Variants in LRPAP1 observed in about 807,000 individuals in gnomAD.
The protein encoded by LRPAP1 is alpha-2-macroglobulin receptor-associated protein.
LRPAP1 carries 41 observed loss-of-function variants against 39.9 expected under a neutral mutation model. The observed-to-expected ratio is 1.03, with a 90% CI of 0.80 to 1.33. The LOEUF (loss-of-function observed/expected upper bound fraction) is 1.33, where lower values mean the gene tolerates loss of function less well. Among genes scored for constraint, LRPAP1 ranks in the 40% most tolerant of loss-of-function variants. The probability of loss-of-function intolerance (pLI) is 0.00; values close to 1 mark genes in which losing one functional copy is unlikely to be tolerated. For synonymous variants in LRPAP1, 263 were observed against 212.7 expected, an observed-to-expected ratio of 1.24 and a Z score of -2.06; for missense variants, 565 against 482.3, an observed-to-expected ratio of 1.17 and a Z score of -1.61.
intron 1 of LRPAP1, among the ~76,000 whole-genome samples, chr4:3,527,700 G>A (rs1311048910): frequency 6.6e-6 from 1 of 152,216 alleles, no homozygotes; most frequent in Admixed American, 6.5e-5. Context: ...GCAGGGGAGA[G>A]GATGCAGGTG....
At position 3,518,970 on chromosome 4, in the gene LRPAP1, A is replaced by AGG; in HGVS notation, c.492_493insCC (p.Ser165ProfsTer30). 6.2e-7 allele frequency: 1 copy of AGG among 1,614,032 alleles called. No individual in the cohort carries two copies. Among genetic ancestry groups the AGG allele is most frequent in the Non-Finnish European group, 8.5e-7 (1 of 1,179,964 alleles). ...CAGAGCTTGTCCAGTTCTTCGCCGG[A>AGG]GAATTTCCCAGAGGTCTTCGCCTAA... is the stretch of plus-strand genomic sequence containing the variant. On this transcript the variant is annotated frameshift_variant, in exon 4 of 8. Coordinates refer to ENST00000650182, the MANE Select transcript of LRPAP1 (RefSeq NM_002337.4). LOFTEE classifies it high-confidence loss of function.
chr4:3,515,448 C>G (rs76911413), intron 6 of LRPAP1, among the ~76,000 whole-genome samples: 2,547 of 152,328 alleles, frequency 0.017, 59 homozygotes, highest in African/African-American at 0.057. Context: ...CTCCTGACCC[C>G]TTTCTGGGGG....
At chr4:3,518,222 G>A (rs1359729151) in intron 4 of LRPAP1, 30 bp from the exon 5 acceptor site, 5 of 1,594,818 alleles carry the variant, frequency 3.1e-6, no homozygotes, top group East Asian at 4.5e-5. Context: ...ACGCCATGAG[G>A]CTGGGAGTCC....
chr4:3,524,497 C>T (rs1436068857), intron 2 of LRPAP1, among the ~76,000 whole-genome samples: 2 of 152,378 alleles, frequency 1.3e-5, no homozygotes, highest in South Asian at 2.1e-4. Context: ...CTCCCTCTGG[C>T]GTGCCAATGG....
chr4:3,526,607 G>A (rs963315782), intron 1 of LRPAP1, among the ~76,000 whole-genome samples: 5 of 152,202 alleles, frequency 3.3e-5, no homozygotes, highest in Non-Finnish European at 5.9e-5. Flanking sequence ...CGAGACCTCA[G>A]GAGGCCCAGC....
At position 3,511,799 on chromosome 4, in the gene LRPAP1, C is replaced by A. The variant is rs1298669319; in HGVS notation, c.*1175G>T. 2 of 150,776 alleles carry A rather than the reference C, an allele frequency of 1.3e-5. No homozygotes were observed. Among genetic ancestry groups the A allele is most frequent in the African/African-American group, 4.9e-5 (2 of 40,854 alleles). 9.3% of individuals were successfully genotyped at this position (150,776 alleles called of 1,614,324 possible). A position where few individuals can be genotyped will look rare whatever the true frequency, so the allele number is the denominator to read the frequency against. ...CACGGGAACCACGCCCAGAGCCGGACCCGAGCCTCTTCCAGGCTCAGACAC... is the reference window on the plus strand; with the variant it reads ...CACGGGAACCACGCCCAGAGCCGGAACCGAGCCTCTTCCAGGCTCAGACAC... On this transcript the variant is annotated 3_prime_UTR_variant, in exon 8 of 8. Coordinates refer to ENST00000650182, the MANE Select transcript of LRPAP1 (RefSeq NM_002337.4).
intron 5 of LRPAP1, among the ~76,000 whole-genome samples, chr4:3,517,075 C>T (rs1051109343): frequency 4.6e-5 from 7 of 152,130 alleles, no homozygotes; most frequent in Non-Finnish European, 8.8e-5. Context: ...CGCAGGCCTA[C>T]AAGGTGGTCC....
chr4:3,517,804 G>A lies in LRPAP1; in HGVS notation c.751+230C>T, dbSNP rs558275010. 163 of 478,052 alleles carry A rather than the reference G, an allele frequency of 3.4e-4. 2 individuals are homozygous for A. The highest frequency in any genetic ancestry group is 2.8e-3 in the African/African-American group (142 of 49,844). 29.6% of individuals were successfully genotyped at this position (478,052 alleles called of 1,614,324 possible). ...TGCTCCCAGGCCCGCTGCCGCCACT[G>A]CCCTCTGCTAGTCTCCAGGTACAAG... On this transcript the variant is annotated intron_variant, in intron 5 of 7. Coordinates refer to ENST00000650182, the MANE Select transcript of LRPAP1 (RefSeq NM_002337.4).
In LRPAP1 at chr4:3,517,993, G is replaced by T. The variant is rs369242780; in HGVS notation, c.751+41C>A. The T allele has an allele frequency of 3.7e-5, 58 of 1,555,632 alleles. 1 individual carries two copies. The African/African-American group carries it at 7.8e-4, about 21-fold the overall frequency. ...TGTCCCCAAAACACAACCAGAGACG[G>T]CCCCACCCTCGGGAACCAACAGTCC... On this transcript the variant is annotated intron_variant, in intron 5 of 7. Coordinates refer to ENST00000650182, the MANE Select transcript of LRPAP1 (RefSeq NM_002337.4).
At chr4:3,523,188 G>A (rs1352544361) in intron 2 of LRPAP1, among the ~76,000 whole-genome samples, 2 of 152,272 alleles carry the variant, frequency 1.3e-5, no homozygotes, top group East Asian at 3.9e-4. Context: ...GCCCACTTCT[G>A]TGCCCCCTGC....
chr4:3,523,018 G>T (rs1168393122), intron 2 of LRPAP1, among the ~76,000 whole-genome samples: 2 of 152,176 alleles, frequency 1.3e-5, no homozygotes, highest in Non-Finnish European at 2.9e-5. Context: ...TTTCCTGAGT[G>T]TGGGCAGGGT....
At chr4:3,528,190 T>C (rs1042604238) in intron 1 of LRPAP1, among the ~76,000 whole-genome samples, 2 of 152,200 alleles carry the variant, frequency 1.3e-5, no homozygotes, top group African/African-American at 4.8e-5. Context: ...AGAAGTACCC[T>C]GTGGAAACCA....
Position 3,512,932 on chromosome 4 carries a change from C to A in LRPAP1, c.*42G>T. On this transcript the variant is annotated 3_prime_UTR_variant, in exon 8 of 8. Coordinates refer to ENST00000650182, the MANE Select transcript of LRPAP1 (RefSeq NM_002337.4). ...GCCACGGCCAAGAGCCCAGGTCCTT[C>A]ACGCTGGCCTCTTCCCTGCCGGGCT... is the stretch of plus-strand genomic sequence containing the variant. 1 of 1,573,074 alleles carries A rather than the reference C, an allele frequency of 6.4e-7. No homozygotes were observed. The highest frequency in any genetic ancestry group is 2.3e-5 in the East Asian group (1 of 42,872).
intron 5 of LRPAP1, chr4:3,517,592 G>A (rs73197133): frequency 0.019 from 2,960 of 156,634 alleles, 45 homozygotes; most frequent in Middle Eastern, 0.078. Context: ...ATGAGCTGCT[G>A]AGACGGAGCC....
chr4:3,520,490 C>G (rs534879419), intron 2 of LRPAP1, among the ~76,000 whole-genome samples: 59 of 152,310 alleles, frequency 3.9e-4, no homozygotes, highest in African/African-American at 1.4e-3. Context: ...AAGCTGTGTC[C>G]CCCTGAGACG....
rs1729477478 is a variant in LRPAP1, at chr4:3,510,617, C to T, written c.*2357G>A. The T allele has an allele frequency of 6.6e-6, 1 of 152,302 alleles. No individual in the cohort carries two copies. The highest frequency in any genetic ancestry group is 2.4e-5 in the African/African-American group (1 of 41,480). The allele number at this position is 152,302 out of a possible 1,614,324, so 9.4% of individuals were successfully genotyped here. On this transcript the variant is annotated 3_prime_UTR_variant, in exon 8 of 8. Coordinates refer to ENST00000650182, the MANE Select transcript of LRPAP1 (RefSeq NM_002337.4). ...GCAACCCACACTGGAAACGTACACT[C>T]CTGAGTAGGGACTGGATACACACGC...
chr4:3,525,520 C>A (rs1730055066), intron 1 of LRPAP1, among the ~76,000 whole-genome samples: 1 of 152,154 alleles, frequency 6.6e-6, no homozygotes, highest in African/African-American at 2.4e-5. Context: ...CCTCAGTCAC[C>A]ACCTCTCAAG....
chr4:3,526,301 C>T (rs1263132090), intron 1 of LRPAP1, among the ~76,000 whole-genome samples: 1 of 152,210 alleles, frequency 6.6e-6, no homozygotes, highest in Non-Finnish European at 1.5e-5. Flanking sequence ...TAGGAGGGAA[C>T]CCCAGCTCCT....
chr4:3,512,615 T>C lies in LRPAP1; in HGVS notation c.*359A>G, dbSNP rs564273625. On this transcript the variant is annotated 3_prime_UTR_variant, in exon 8 of 8. Coordinates refer to ENST00000650182, the MANE Select transcript of LRPAP1 (RefSeq NM_002337.4). ...TTTTAAGGACTCTGTGCATGGTATT[T>C]CCGGTGGCAGATGTGTAAGATTTTT... is the stretch of plus-strand genomic sequence containing the variant. 2.2e-4 allele frequency: 58 copies of C among 263,138 alleles called. No homozygotes were observed. Among genetic ancestry groups the C allele is most frequent in the Non-Finnish European group, 3.9e-4 (54 of 136,766 alleles). 16.3% of individuals were successfully genotyped at this position (263,138 alleles called of 1,614,324 possible). A position where few individuals can be genotyped will look rare whatever the true frequency, so the allele number is the denominator to read the frequency against.
Sources: gnomAD v4.1 joint callset for allele counts (sites outside exome capture counted in the v4.1 genomes callset) on GRCh38, gnomAD v4.1.1 for gene constraint, MANE v1.5 for transcripts, NCBI Gene and HGNC (gene_info 2026-07-23, HGNC 2026-07-21) for gene names.